Variants in GRID2 observed in about 807,000 individuals in gnomAD.
GRID2 encodes glutamate ionotropic receptor delta type subunit 2.
GRID2 carries 33 observed loss-of-function variants against 114.8 expected under a neutral mutation model. The observed-to-expected ratio is 0.29, with a 90% CI of 0.22 to 0.38. The LOEUF (loss-of-function observed/expected upper bound fraction) is 0.38, where lower values mean the gene tolerates loss of function less well. GRID2 is among the 10% of genes least tolerant of loss of function. The probability of loss-of-function intolerance (pLI) is 1.00; values close to 1 mark genes in which losing one functional copy is unlikely to be tolerated. For missense variants in GRID2, 1,184 were observed against 1,257.7 expected (o/e 0.94, Z 0.89); for synonymous variants, 505 against 449.9 (o/e 1.12, Z -1.55).
chr4:92,980,626 T>C (rs1291235963), intron 2 of GRID2, among the ~76,000 whole-genome samples: 1 of 152,240 alleles, frequency 6.6e-6, no homozygotes, highest in East Asian at 1.9e-4. Flanking sequence ...TTAGGAGTCA[T>C]AATTTTTATC....
chr4:92,687,943 T>C (rs1733994267), intron 2 of GRID2, among the ~76,000 whole-genome samples: 1 of 150,912 alleles, frequency 6.6e-6, no homozygotes, highest in Non-Finnish European at 1.5e-5. Context: ...TGCTGACTGA[T>C]CACAGTGGTG....
At chr4:92,574,016 T>C (rs759903229) in intron 1 of GRID2, among the ~76,000 whole-genome samples, 16 of 152,204 alleles carry the variant, frequency 1.1e-4, no homozygotes, top group East Asian at 1.9e-4. Flanking sequence ...ATATTTAAGA[T>C]AGTTAGCTGT....
intron 13 of GRID2, among the ~76,000 whole-genome samples, chr4:93,534,406 C>CT (rs932990783): frequency 2.0e-5 from 3 of 151,972 alleles, no homozygotes; most frequent in African/African-American, 4.8e-5. Context: ...GTATAGCCAT[C>CT]TTTTTTTATA....
At chr4:92,489,717 G>A (rs1294951282) in intron 1 of GRID2, among the ~76,000 whole-genome samples, 2 of 151,722 alleles carry the variant, frequency 1.3e-5, no homozygotes, top group South Asian at 2.1e-4. Context: ...GTGGTGGTGC[G>A]CGCCTGTAAT....
At chr4:92,346,646 G>A (rs924947070) in intron 1 of GRID2, among the ~76,000 whole-genome samples, 14 of 152,110 alleles carry the variant, frequency 9.2e-5, no homozygotes, top group African/African-American at 3.1e-4. Context: ...ATGAGCCACC[G>A]TGCCCAGCCT....
chr4:93,010,230 A>G, intron 2 of GRID2, among the ~76,000 whole-genome samples: 1 of 152,048 alleles, frequency 6.6e-6, no homozygotes, highest in East Asian at 1.9e-4. Flanking sequence ...TGATTATATG[A>G]TACAGTTTCA....
At chr4:93,621,879 A>C (rs1018430712) in intron 13 of GRID2, among the ~76,000 whole-genome samples, 4 of 152,180 alleles carry the variant, frequency 2.6e-5, no homozygotes, top group African/African-American at 9.6e-5. Flanking sequence ...GTATTGCAAG[A>C]GACAGCATAT....
At chr4:92,919,640 A>G (rs558095545) in intron 2 of GRID2, among the ~76,000 whole-genome samples, 23 of 151,974 alleles carry the variant, frequency 1.5e-4, no homozygotes, top group Non-Finnish European at 2.6e-4. Flanking sequence ...AGGTTGTTCA[A>G]TTTCCATGTA....
At chr4:93,404,855 A>G (rs1270614286) in intron 9 of GRID2, among the ~76,000 whole-genome samples, 1 of 152,146 alleles carries the variant, frequency 6.6e-6, no homozygotes, top group East Asian at 1.9e-4. Flanking sequence ...TTCTATCAAG[A>G]ATTTAAAGTA....
intron 2 of GRID2, among the ~76,000 whole-genome samples, chr4:93,017,261 A>C (rs970047562): frequency 2.0e-5 from 3 of 152,198 alleles, no homozygotes; most frequent in Non-Finnish European, 2.9e-5. Flanking sequence ...ATGTAGGTTA[A>C]ATAATTTTTT....
chr4:92,388,973 A>G (rs1043386592), intron 1 of GRID2, among the ~76,000 whole-genome samples: 10 of 152,082 alleles, frequency 6.6e-5, no homozygotes, highest in Admixed American at 3.3e-4. Context: ...AACGCCTTTC[A>G]ACATACACTT....
chr4:93,201,409 G>A (rs1438167141), intron 4 of GRID2, among the ~76,000 whole-genome samples: 1 of 152,158 alleles, frequency 6.6e-6, no homozygotes, highest in Non-Finnish European at 1.5e-5. Flanking sequence ...GCTCTTTAGT[G>A]TTTCTCTAGC....
At chr4:93,110,980 A>G (rs757617247) in intron 4 of GRID2, 27 bp downstream of exon 4, 2 of 1,401,944 alleles carry the variant, frequency 1.4e-6, no homozygotes, top group Non-Finnish European at 2.0e-6. Flanking sequence ...TTGGGGTGAG[A>G]GTTGTACAAA....
At chr4:93,018,747 T>G (rs971744744) in intron 2 of GRID2, among the ~76,000 whole-genome samples, 4 of 152,132 alleles carry the variant, frequency 2.6e-5, no homozygotes, top group African/African-American at 7.2e-5. Context: ...TTGGATTAGG[T>G]TCCTGCCTTT....
At chr4:93,183,389 T>A (rs961956748) in intron 4 of GRID2, among the ~76,000 whole-genome samples, 7 of 152,156 alleles carry the variant, frequency 4.6e-5, no homozygotes, top group Admixed American at 1.3e-4. Context: ...ATAACCATGT[T>A]TTCTTCAATA....
chr4:93,363,757 C>T (rs547046396), intron 8 of GRID2, among the ~76,000 whole-genome samples: 41 of 151,982 alleles, frequency 2.7e-4, no homozygotes, highest in African/African-American at 9.4e-4. Context: ...TTTCTTTGTG[C>T]ATGAAAATTA....
At chr4:93,326,592 CT>C (rs572863010) in intron 8 of GRID2, among the ~76,000 whole-genome samples, 510 of 144,832 alleles carry the variant, frequency 3.5e-3, no homozygotes, top group Middle Eastern at 0.011. Flanking sequence ...TTATTCATCA[CT>C]TTTTTTTTTT....
intron 1 of GRID2, among the ~76,000 whole-genome samples, chr4:92,327,721 T>C (rs1035503762): frequency 1.3e-5 from 2 of 152,072 alleles, no homozygotes; most frequent in African/African-American, 4.8e-5. Context: ...TTTTAGAACA[T>C]ATGTTTCAAT....
At chr4:93,809,518 T>A (rs148620194) in exon 2 of GRID2, 6 of 152,302 alleles carry the variant, frequency 3.9e-5, no homozygotes, top group Non-Finnish European at 8.8e-5. Context: ...GGTGACTATG[T>A]ACAAAAGATC....
Sources: gnomAD v4.1 joint callset for allele counts (sites outside exome capture counted in the v4.1 genomes callset) on GRCh38, gnomAD v4.1.1 for gene constraint, MANE v1.5 for transcripts, NCBI Gene and HGNC (gene_info 2026-07-23, HGNC 2026-07-21) for gene names.